The following ENTREP1 variants were observed in gnomAD, a reference collection of about 807,000 sequenced individuals.
ENTREP1 encodes the protein Friedreich ataxia region gene X123.
At chr9:69,325,286 GGCCGCACCCT>G in the ENTREP1 span, 4 of 432,364 alleles carry the variant, frequency 9.3e-6, no homozygotes, top group Non-Finnish European at 9.4e-6. Flanking sequence ...GGCCGCACCC[GGCCGCACCCT>G]TCCCCGTCCG....
At chr9:69,329,188 G>A in the ENTREP1 span, 1 of 194,234 alleles carries the variant, frequency 5.1e-6, no homozygotes, top group East Asian at 1.9e-4. Context: ...CACAGTAGAA[G>A]AATATCCTCA....
chr9:69,372,350 T>A, the ENTREP1 span, among the ~76,000 whole-genome samples: 13 of 152,152 alleles, frequency 8.5e-5, no homozygotes, highest in Non-Finnish European at 1.6e-4. Context: ...CAGCTCCCCA[T>A]CCTCCAGCCC....
the ENTREP1 span, among the ~76,000 whole-genome samples, chr9:69,336,619 A>G: frequency 6.6e-6 from 1 of 152,326 alleles, no homozygotes; most frequent in Admixed American, 6.5e-5. Context: ...CCCATCGCCC[A>G]GGTTCCATAA....
At chr9:69,385,920 C>T in the ENTREP1 span, 18 of 1,611,542 alleles carry the variant, frequency 1.1e-5, no homozygotes, top group East Asian at 3.6e-4. Flanking sequence ...GAAGAGTGAC[C>T]CTGTGCTCCA....
At chr9:69,366,385 G>GTTTTTTTTTTTTTTTTTTTTTTT in the ENTREP1 span, among the ~76,000 whole-genome samples, 1 of 139,574 alleles carries the variant, frequency 7.2e-6, no homozygotes. Flanking sequence ...TCCAACTGGG[G>GTTTTTTTTTTTTTTTTTTTTTTT]TTTTTTTTTT....
At chr9:69,391,887 CAA>C in the ENTREP1 span, 1 of 1,284,510 alleles carries the variant, frequency 7.8e-7, no homozygotes, top group Non-Finnish European at 1.1e-6. Flanking sequence ...TGGTCCACCT[CAA>C]AAAAAAGGAG....
At chr9:69,350,474 C>T in the ENTREP1 span, among the ~76,000 whole-genome samples, 1 of 152,194 alleles carries the variant, frequency 6.6e-6, no homozygotes, top group Non-Finnish European at 1.5e-5. Context: ...GTTAAGACCA[C>T]TCACTTCCTG....
At chr9:69,349,216 A>C in the ENTREP1 span, among the ~76,000 whole-genome samples, 1 of 147,654 alleles carries the variant, frequency 6.8e-6, no homozygotes, top group African/African-American at 2.6e-5. Context: ...AAAAAAGAGA[A>C]AAAAAGGAAT....
At chr9:69,385,088 T>G in the ENTREP1 span, among the ~76,000 whole-genome samples, 7 of 151,882 alleles carry the variant, frequency 4.6e-5, no homozygotes, top group Admixed American at 4.6e-4. Context: ...GCCCAGCTAG[T>G]TTTTGAATTT....
At chr9:69,383,840 A>G in the ENTREP1 span, 1 of 1,581,708 alleles carries the variant, frequency 6.3e-7, no homozygotes, top group African/African-American at 1.3e-5. Context: ...GCCCCCAGAG[A>G]ACAGCAGGGA....
the ENTREP1 span, chr9:69,383,906 T>G: frequency 6.3e-7 from 1 of 1,589,024 alleles, no homozygotes; most frequent in Non-Finnish European, 8.6e-7. Flanking sequence ...AGGGGTGAGT[T>G]AAACATCAAC....
chr9:69,377,242 T>C, the ENTREP1 span: 1 of 693,080 alleles, frequency 1.4e-6, no homozygotes, highest in Non-Finnish European at 2.6e-6. Context: ...ATCTAAGTCC[T>C]TTACATGCAT....
the ENTREP1 span, among the ~76,000 whole-genome samples, chr9:69,389,242 T>C: frequency 2.0e-5 from 3 of 152,216 alleles, no homozygotes; most frequent in Non-Finnish European, 4.4e-5. Context: ...TTTGTGGCTC[T>C]GTGTCTTTGG....
chr9:69,377,499 A>G, the ENTREP1 span: 6 of 1,609,114 alleles, frequency 3.7e-6, no homozygotes, highest in South Asian at 1.1e-5. Context: ...CAAGGGCATC[A>G]TGGCCACGTT....
At chr9:69,325,216 G>C in the ENTREP1 span, 1 of 1,039,380 alleles carries the variant, frequency 9.6e-7, no homozygotes, top group African/African-American at 1.7e-5. Context: ...CCCGTCTGCA[G>C]TGCCCAGTGT....
chr9:69,373,145 GGC>G, the ENTREP1 span, among the ~76,000 whole-genome samples: 1 of 151,810 alleles, frequency 6.6e-6, no homozygotes, highest in South Asian at 2.1e-4. Flanking sequence ...TAAAAGTTTG[GGC>G]AAGCCATGAA....
At chr9:69,335,939 G>A in the ENTREP1 span, among the ~76,000 whole-genome samples, 1,575 of 115,112 alleles carry the variant, frequency 0.014, 20 homozygotes, top group Non-Finnish European at 0.022. Flanking sequence ...AGGCATGATC[G>A]TGCTATTGCA....
At chr9:69,351,421 G>A in the ENTREP1 span, among the ~76,000 whole-genome samples, 6 of 139,850 alleles carry the variant, frequency 4.3e-5, no homozygotes, top group Non-Finnish European at 6.3e-5. Context: ...GATGATGATT[G>A]TGATTATTAT....
At chr9:69,345,406 G>T in the ENTREP1 span, among the ~76,000 whole-genome samples, 2 of 152,018 alleles carry the variant, frequency 1.3e-5, no homozygotes, top group African/African-American at 4.8e-5. Flanking sequence ...TGTATAATTT[G>T]GCATAATACT....
Sources: allele counts gnomAD v4.1 joint callset (sites outside exome capture counted in the v4.1 genomes callset), GRCh38; gene constraint gnomAD v4.1.1; transcripts MANE v1.5; gene names NCBI Gene and HGNC (gene_info 2026-07-23, HGNC 2026-07-21).